The following CSMD1 variants were observed in gnomAD, a reference collection of about 807,000 sequenced individuals.
The protein encoded by CSMD1 is CUB and Sushi multiple domains 1.
In CSMD1, 213 loss-of-function variants were observed where a neutral mutation model predicts 417.5. The observed-to-expected ratio is 0.51, with a 90% CI of 0.46 to 0.57. The LOEUF (loss-of-function observed/expected upper bound fraction) is 0.57, where lower values mean the gene tolerates loss of function less well. Among genes scored for constraint, CSMD1 ranks in the 20% least tolerant of loss-of-function variants. The probability of loss-of-function intolerance (pLI) is 0.00; values close to 1 mark genes in which losing one functional copy is unlikely to be tolerated. For synonymous variants in CSMD1, 2,862 were observed against 1,736.8 expected (o/e 1.65, Z -16.11); for missense variants, 6,923 against 4,529.7 (o/e 1.53, Z -15.17).
At chr8:4,063,162 A>C (rs1223047827) in intron 3 of CSMD1, among the ~76,000 whole-genome samples, 1 of 152,212 alleles carries the variant, frequency 6.6e-6, no homozygotes, top group Non-Finnish European at 1.5e-5. Flanking sequence ...TTTGGAAATG[A>C]TAAATGTTGA....
intron 5 of CSMD1, among the ~76,000 whole-genome samples, chr8:3,968,372 C>G (rs886123398): frequency 6.6e-6 from 1 of 152,164 alleles, no homozygotes; most frequent in Non-Finnish European, 1.5e-5. Context: ...ACCTGGGCAC[C>G]AGCTCAGTGT....
At chr8:4,737,220 C>G (rs2116985268) in intron 1 of CSMD1, among the ~76,000 whole-genome samples, 1 of 152,102 alleles carries the variant, frequency 6.6e-6, no homozygotes, top group East Asian at 1.9e-4. Flanking sequence ...TTATCTTTAG[C>G]AAACTAACAC....
chr8:3,448,092 A>G (rs1000228207), intron 12 of CSMD1, among the ~76,000 whole-genome samples: 3 of 151,684 alleles, frequency 2.0e-5, no homozygotes, highest in Non-Finnish European at 1.5e-5. Flanking sequence ...TCCTAAAAAT[A>G]AGATAGAAGG....
At chr8:4,823,459 G>A (rs1200674772) in intron 1 of CSMD1, among the ~76,000 whole-genome samples, 2 of 151,826 alleles carry the variant, frequency 1.3e-5, no homozygotes, top group African/African-American at 4.8e-5. Flanking sequence ...GTAAAATGGG[G>A]TACTTAGGGC....
intron 10 of CSMD1, among the ~76,000 whole-genome samples, chr8:3,554,345 A>G (rs1799047494): frequency 6.6e-6 from 1 of 152,204 alleles, no homozygotes; most frequent in Non-Finnish European, 1.5e-5. Context: ...ACTACAGAAG[A>G]CCTGCTGGCT....
intron 41 of CSMD1, among the ~76,000 whole-genome samples, chr8:3,125,221 T>A (rs918900818): frequency 1.3e-5 from 2 of 152,226 alleles, no homozygotes; most frequent in African/African-American, 2.4e-5. Context: ...TCCTGTTGCA[T>A]CCTGTTTAGT....
intron 6 of CSMD1, among the ~76,000 whole-genome samples, chr8:3,726,619 G>C (rs550676426): frequency 3.5e-4 from 53 of 152,284 alleles, no homozygotes; most frequent in African/African-American, 1.2e-3. Context: ...TGTTACGAGG[G>C]TAGGTACATC....
chr8:4,064,362 G>C (rs746687020), intron 3 of CSMD1, among the ~76,000 whole-genome samples: 1 of 152,288 alleles, frequency 6.6e-6, no homozygotes, highest in Non-Finnish European at 1.5e-5. Context: ...TTGTATCTCT[G>C]TTTAGGGTTT....
At chr8:3,809,471 A>G (rs1030992880) in intron 5 of CSMD1, among the ~76,000 whole-genome samples, 1 of 152,196 alleles carries the variant, frequency 6.6e-6, no homozygotes, top group Non-Finnish European at 1.5e-5. Context: ...GGGATAGTTC[A>G]TACTGGGCTG....
intron 2 of CSMD1, among the ~76,000 whole-genome samples, chr8:4,559,385 A>C (rs576006206): frequency 6.6e-6 from 1 of 152,166 alleles, no homozygotes; most frequent in Non-Finnish European, 1.5e-5. Flanking sequence ...AAAAATCTTC[A>C]TATACTATTT....
At chr8:4,020,072 C>A (rs1014283100) in intron 4 of CSMD1, among the ~76,000 whole-genome samples, 4 of 152,100 alleles carry the variant, frequency 2.6e-5, no homozygotes, top group African/African-American at 4.8e-5. Context: ...GAGATAGAGA[C>A]AGTAATTATA....
intron 8 of CSMD1, among the ~76,000 whole-genome samples, chr8:3,609,811 CTTT>C (rs71534362): frequency 2.7e-5 from 2 of 75,260 alleles, no homozygotes; most frequent in African/African-American, 5.0e-5. Flanking sequence ...AGTATCTTCC[CTTT>C]TTTTTTTTTT....
At chr8:3,799,781 A>T (rs73658275) in intron 5 of CSMD1, among the ~76,000 whole-genome samples, 3,678 of 152,200 alleles carry the variant, frequency 0.024, 48 homozygotes, top group African/African-American at 0.032. Context: ...TCCAATTTTC[A>T]TATCTATGAA....
At chr8:4,129,878 G>A (rs549901466) in intron 3 of CSMD1, among the ~76,000 whole-genome samples, 1 of 151,916 alleles carries the variant, frequency 6.6e-6, no homozygotes, top group African/African-American at 2.4e-5. Context: ...TTCTGTTCTT[G>A]TTTTGTGAAT....
chr8:4,256,697 G>A (rs567304035), intron 3 of CSMD1, among the ~76,000 whole-genome samples: 8 of 150,732 alleles, frequency 5.3e-5, no homozygotes, highest in African/African-American at 2.0e-4. Flanking sequence ...CAGATGGGCC[G>A]GGCGTGGTGT....
intron 4 of CSMD1, 126 bp downstream of exon 4, chr8:4,031,779 A>G: frequency 3.1e-6 from 2 of 637,700 alleles, no homozygotes; most frequent in Non-Finnish European, 5.0e-6. Context: ...GAGCAGAATG[A>G]GCTGACATTG....
intron 3 of CSMD1, among the ~76,000 whole-genome samples, chr8:4,265,085 T>C (rs1387400814): frequency 6.6e-6 from 1 of 152,160 alleles, no homozygotes; most frequent in African/African-American, 2.4e-5. Context: ...TATAGAATCA[T>C]CATATTCAGA....
At chr8:4,803,964 G>C (rs1203596483) in intron 1 of CSMD1, among the ~76,000 whole-genome samples, 5 of 152,184 alleles carry the variant, frequency 3.3e-5, no homozygotes, top group Admixed American at 6.5e-5. Context: ...AGTCTTTACA[G>C]ATGTATCGTA....
At chr8:3,382,734 A>T (rs1233550798) in intron 18 of CSMD1, among the ~76,000 whole-genome samples, 1 of 151,322 alleles carries the variant, frequency 6.6e-6, no homozygotes, top group African/African-American at 2.4e-5. Context: ...TTCCAGTAGC[A>T]GAGTATGATT....
Sources: allele counts gnomAD v4.1 joint callset (sites outside exome capture counted in the v4.1 genomes callset), GRCh38; gene constraint gnomAD v4.1.1; transcripts MANE v1.5; gene names NCBI Gene and HGNC (gene_info 2026-07-23, HGNC 2026-07-21).